Variants in NCOA1 observed in about 807,000 individuals in gnomAD.
NCOA1 encodes the protein Hin-2 protein.
In NCOA1, 35 loss-of-function variants were observed where a neutral mutation model predicts 150.9. The ratio of observed to expected loss-of-function variants is 0.23; its 90% CI spans 0.18 to 0.31. The LOEUF (loss-of-function observed/expected upper bound fraction) is 0.31. NCOA1 is among the 10% of genes least tolerant of loss of function. The pLI, the probability that NCOA1 is intolerant of heterozygous loss-of-function variation, is 1.00. For missense variants in NCOA1, 1,491 were observed against 1,749.3 expected, an observed-to-expected ratio of 0.85 and a Z score of 2.63; for synonymous variants, 590 against 630.0, an observed-to-expected ratio of 0.94 and a Z score of 0.95.
chr2:24,584,179 T>C (rs1667308186), intron 2 of NCOA1, among the ~76,000 whole-genome samples: 1 of 152,130 alleles, frequency 6.6e-6, no homozygotes, highest in South Asian at 2.1e-4. Context: ...AAATGTCAAT[T>C]TTTTAAAAAG....
intron 7 of NCOA1, among the ~76,000 whole-genome samples, chr2:24,681,062 A>G (rs1402682786): frequency 2.2e-4 from 15 of 67,882 alleles, no homozygotes; most frequent in Non-Finnish European, 4.6e-4. Flanking sequence ...GCATTTTCAC[A>G]TAAAAAAAAA....
chr2:24,648,186 G>A (rs1472199427), intron 4 of NCOA1, among the ~76,000 whole-genome samples: 2 of 151,782 alleles, frequency 1.3e-5, no homozygotes, highest in Admixed American at 6.6e-5. Context: ...GAATATAAAT[G>A]AATCAAGTAA....
chr2:24,553,244 G>A (rs1665940039), intron 1 of NCOA1, among the ~76,000 whole-genome samples: 1 of 150,990 alleles, frequency 6.6e-6, no homozygotes, highest in African/African-American at 2.4e-5. Flanking sequence ...TTTTGAGGCA[G>A]GGTCTCACTC....
chr2:24,562,334 T>A (rs908805992), intron 1 of NCOA1, among the ~76,000 whole-genome samples: 2 of 152,236 alleles, frequency 1.3e-5, no homozygotes, highest in Admixed American at 6.5e-5. Flanking sequence ...GAATTTCAGA[T>A]TTTTGGATTT....
chr2:24,496,035 T>C (rs915130724), intron 1 of NCOA1, among the ~76,000 whole-genome samples: 10 of 152,220 alleles, frequency 6.6e-5, no homozygotes, highest in African/African-American at 2.4e-4. Context: ...CATTTGCACA[T>C]GGAGTAATGG....
chr2:24,573,518 G>A (rs1666823355), intron 2 of NCOA1, among the ~76,000 whole-genome samples: 1 of 152,100 alleles, frequency 6.6e-6, no homozygotes, highest in Admixed American at 6.5e-5. Flanking sequence ...AGTAAAAATT[G>A]TAAGCCTGAA....
chr2:24,731,932 T>A (rs777736496), intron 17 of NCOA1, among the ~76,000 whole-genome samples: 4 of 152,176 alleles, frequency 2.6e-5, no homozygotes, highest in Non-Finnish European at 4.4e-5. Flanking sequence ...ACTACATACC[T>A]GAAAAGTTAA....
chr2:24,616,275 A>G (rs1668868527), intron 3 of NCOA1, among the ~76,000 whole-genome samples: 1 of 152,150 alleles, frequency 6.6e-6, no homozygotes, highest in African/African-American at 2.4e-5. Context: ...TTTTTCACAG[A>G]TGATGAAAAA....
intron 4 of NCOA1, among the ~76,000 whole-genome samples, chr2:24,649,729 T>C (rs867564505): frequency 1.3e-5 from 2 of 152,130 alleles, no homozygotes; most frequent in Non-Finnish European, 2.9e-5. Context: ...TTTTTCTATG[T>C]ATTTGTTAAT....
chr2:24,539,968 G>A (rs552830867), intron 1 of NCOA1, among the ~76,000 whole-genome samples: 2 of 152,346 alleles, frequency 1.3e-5, no homozygotes, highest in East Asian at 3.9e-4. Context: ...CTGAGTCTAT[G>A]AGAGTAGGAA....
At chr2:24,611,187 T>C (rs1335324962) in intron 3 of NCOA1, among the ~76,000 whole-genome samples, 3 of 152,210 alleles carry the variant, frequency 2.0e-5, no homozygotes, top group Non-Finnish European at 4.4e-5. Flanking sequence ...TTCCCACTCA[T>C]AAATGAGAAC....
intron 7 of NCOA1, among the ~76,000 whole-genome samples, chr2:24,682,452 G>A (rs567565539): frequency 2.0e-5 from 3 of 152,048 alleles, no homozygotes; most frequent in Non-Finnish European, 4.4e-5. Context: ...TATATGCCCC[G>A]TAGGACGCAT....
intron 2 of NCOA1, among the ~76,000 whole-genome samples, chr2:24,576,170 G>GTTTTTTTTTTTTTTTTTTTTTTT (rs869093026): frequency 4.3e-5 from 2 of 46,324 alleles, no homozygotes; most frequent in Non-Finnish European, 9.3e-5. Context: ...TTTGTTTTTT[G>GTTTTTTTTTTTTTTTTTTTTTTT]TTTTTTTTTT....
At chr2:24,554,216 A>G (rs1226717133) in intron 1 of NCOA1, among the ~76,000 whole-genome samples, 2 of 152,086 alleles carry the variant, frequency 1.3e-5, no homozygotes, top group African/African-American at 4.8e-5. Flanking sequence ...TTTGTATTTA[A>G]TTTACTCCTT....
At chr2:24,635,135 C>T (rs1669883315) in intron 3 of NCOA1, among the ~76,000 whole-genome samples, 1 of 152,066 alleles carries the variant, frequency 6.6e-6, no homozygotes, top group Admixed American at 6.5e-5. Context: ...TCCATAATAA[C>T]AAACATCAGA....
intron 14 of NCOA1, among the ~76,000 whole-genome samples, chr2:24,722,989 CAAAAAAAAAA>C (rs5829932): frequency 2.2e-5 from 2 of 90,062 alleles, no homozygotes; most frequent in Non-Finnish European, 4.0e-5. Context: ...ACCCTGTCTC[CAAAAAAAAAA>C]AAAAAAAAAA....
intron 2 of NCOA1, 38 bp from the exon 3 acceptor site, chr2:24,584,438 A>G (rs1165691444): frequency 6.6e-6 from 1 of 152,186 alleles, no homozygotes; most frequent in Non-Finnish European, 1.5e-5. Flanking sequence ...TGATCCAAGT[A>G]GATCCAATTG....
intron 1 of NCOA1, among the ~76,000 whole-genome samples, chr2:24,500,100 TTTTC>T (rs1160823712): frequency 2.6e-5 from 4 of 151,696 alleles, no homozygotes; most frequent in Non-Finnish European, 5.9e-5. Context: ...TAGTTTCTTT[TTTTC>T]TTTCTTTCTT....
chr2:24,516,951 TACAAGTATATATAC>T (rs1558758449), intron 1 of NCOA1, among the ~76,000 whole-genome samples: 5 of 127,394 alleles, frequency 3.9e-5, no homozygotes, highest in South Asian at 5.6e-4. Flanking sequence ...TACGTATATA[TACAAGTATATATAC>T]GTATATATAC....
Sources: allele counts gnomAD v4.1 joint callset (sites outside exome capture counted in the v4.1 genomes callset), GRCh38; gene constraint gnomAD v4.1.1; transcripts MANE v1.5; gene names NCBI Gene and HGNC (gene_info 2026-07-23, HGNC 2026-07-21).